Variants in LINGO2 observed in about 807,000 individuals in gnomAD.
The protein encoded by LINGO2 is leucine-rich repeat and immunoglobulin-like domain-containing nogo receptor-interacting protein 2.
LINGO2 carries 14 observed loss-of-function variants against 30.6 expected under a neutral mutation model. That is an observed-to-expected ratio of 0.46 (90% confidence interval 0.30 to 0.72). LINGO2 has a LOEUF of 0.72. Among genes scored for constraint, LINGO2 ranks in the 30% least tolerant of loss-of-function variants. The pLI, the probability that LINGO2 is intolerant of heterozygous loss-of-function variation, is 0.07. For missense variants in LINGO2, 729 were observed against 751.7 expected, an observed-to-expected ratio of 0.97 and a Z score of 0.35; for synonymous variants, 317 against 288.5, an observed-to-expected ratio of 1.10 and a Z score of -1.00.
At chr9:28,998,990 C>A in the LINGO2 span, among the ~76,000 whole-genome samples, 1 of 152,068 alleles carries the variant, frequency 6.6e-6, no homozygotes, top group East Asian at 1.9e-4. Flanking sequence ...AAATACTAGT[C>A]AAGCAAACCA....
chr9:29,206,816 T>A, the LINGO2 span, among the ~76,000 whole-genome samples: 2 of 152,138 alleles, frequency 1.3e-5, no homozygotes, highest in Non-Finnish European at 2.9e-5. Context: ...GAATATCAAA[T>A]AGAAAATTAG....
chr9:28,187,426 G>A (rs953163988), intron 4 of LINGO2, among the ~76,000 whole-genome samples: 1 of 151,704 alleles, frequency 6.6e-6, no homozygotes. Context: ...GGAGACGGAG[G>A]TTGCAGTGAG....
chr9:28,539,059 C>T (rs1008587695), intron 1 of LINGO2, among the ~76,000 whole-genome samples: 2 of 151,810 alleles, frequency 1.3e-5, no homozygotes, highest in African/African-American at 2.4e-5. Flanking sequence ...AACAAATAAA[C>T]TCGTAATATG....
At chr9:29,189,083 AC>A in the LINGO2 span, among the ~76,000 whole-genome samples, 1 of 62,570 alleles carries the variant, frequency 1.6e-5, no homozygotes, top group Non-Finnish European at 3.7e-5. Flanking sequence ...TCCATCCCGG[AC>A]GGGGCGGCTG....
the LINGO2 span, among the ~76,000 whole-genome samples, chr9:29,203,626 T>C: frequency 1.3e-5 from 2 of 152,202 alleles, no homozygotes; most frequent in South Asian, 2.1e-4. Context: ...GTTGAAGATG[T>C]TGAGATCACA....
At position 28,506,487 on chromosome 9, in the gene LINGO2, TACACACAC is replaced by T. The variant is rs374238897; in HGVS notation, c.-364-30470_-364-30463del. The stretch of plus-strand genomic sequence containing the variant: ...ATACACACACACACACACATACACA[TACACACAC>T]ACACACAGACATATATATATATATA... On this transcript the variant is annotated intron_variant, in intron 1 of 5. Coordinates refer to ENST00000379992, the Ensembl canonical transcript of LINGO2. Among the ~76,000 whole-genome samples the T allele has an allele frequency of 1.2e-4, 5 of 40,410 alleles. 1 individual carries two copies. The highest frequency in any genetic ancestry group is 3.4e-4 in the African/African-American group (5 of 14,796). The allele number at this position is 40,410 out of a possible 152,430, so 26.5% of individuals were successfully genotyped here. A position where few individuals can be genotyped will look rare whatever the true frequency, so the allele number is the denominator to read the frequency against.
intron 4 of LINGO2, among the ~76,000 whole-genome samples, chr9:28,026,581 A>G (rs1221237815): frequency 6.6e-6 from 1 of 152,238 alleles, no homozygotes; most frequent in African/African-American, 2.4e-5. Flanking sequence ...ACCCCAAGTT[A>G]TAAAGCTTGC....
chr9:28,577,330 T>C (rs1345980578), intron 1 of LINGO2, among the ~76,000 whole-genome samples: 7 of 152,150 alleles, frequency 4.6e-5, no homozygotes, highest in African/African-American at 1.4e-4. Flanking sequence ...TGAAACCAGA[T>C]GACTTCACTG....
chr9:29,140,196 A>C, the LINGO2 span, among the ~76,000 whole-genome samples: 2 of 152,018 alleles, frequency 1.3e-5, no homozygotes, highest in East Asian at 3.9e-4. Context: ...GGAAACATTA[A>C]CTAATGGGAC....
intron 4 of LINGO2, among the ~76,000 whole-genome samples, chr9:28,248,007 T>C (rs1364168296): frequency 6.6e-6 from 1 of 152,172 alleles, no homozygotes; most frequent in Non-Finnish European, 1.5e-5. Context: ...ACACTGTTGG[T>C]TGGAATGTAA....
the LINGO2 span, among the ~76,000 whole-genome samples, chr9:28,770,067 C>A: frequency 6.1e-3 from 926 of 152,146 alleles, 6 homozygotes; most frequent in African/African-American, 0.02. Context: ...AGTTTTTCCC[C>A]TTTGACTTCA....
the LINGO2 span, among the ~76,000 whole-genome samples, chr9:28,850,027 T>C: frequency 2.6e-5 from 4 of 152,068 alleles, no homozygotes; most frequent in African/African-American, 9.7e-5. Flanking sequence ...ACTGAGTGAA[T>C]GAAGTGCTTA....
chr9:28,366,087 C>T (rs115010286), intron 3 of LINGO2, among the ~76,000 whole-genome samples: 126 of 152,278 alleles, frequency 8.3e-4, no homozygotes, highest in African/African-American at 2.9e-3. Flanking sequence ...CTACTTTTCA[C>T]ATTTTCCTTA....
intron 4 of LINGO2, among the ~76,000 whole-genome samples, chr9:28,248,105 G>A (rs1822066909): frequency 6.6e-6 from 1 of 152,138 alleles, no homozygotes; most frequent in South Asian, 2.1e-4. Context: ...TCACTTTCGG[G>A]TATGTATCTA....
chr9:28,226,482 G>T (rs1821148373), intron 4 of LINGO2, among the ~76,000 whole-genome samples: 1 of 151,816 alleles, frequency 6.6e-6, no homozygotes, highest in South Asian at 2.1e-4. Flanking sequence ...ACCAGGTAGA[G>T]TCTTTCTTAA....
chr9:28,259,381 A>C (rs1822489836), intron 4 of LINGO2, among the ~76,000 whole-genome samples: 1 of 151,956 alleles, frequency 6.6e-6, no homozygotes, highest in African/African-American at 2.4e-5. Context: ...GTACTGGAAG[A>C]AGGGCATGGA....
intron 4 of LINGO2, among the ~76,000 whole-genome samples, chr9:28,127,168 A>G (rs1017660374): frequency 1.3e-5 from 2 of 152,188 alleles, no homozygotes; most frequent in Admixed American, 1.3e-4. Context: ...CCTTTCATCT[A>G]GAAGTAGAAA....
At chr9:29,180,325 T>C in the LINGO2 span, among the ~76,000 whole-genome samples, 1 of 152,226 alleles carries the variant, frequency 6.6e-6, no homozygotes, top group Non-Finnish European at 1.5e-5. Flanking sequence ...TATTAGATTT[T>C]AGACCCTTTA....
At chr9:27,946,617 GT>G (rs142850489), downstream of LINGO2, among the ~76,000 whole-genome samples, 1 of 152,014 alleles carries the variant, frequency 6.6e-6, no homozygotes, top group East Asian at 1.9e-4. Flanking sequence ...ACTTTTGGAA[GT>G]TTTTTTGAAA....
Sources: gnomAD v4.1 joint callset for allele counts (sites outside exome capture counted in the v4.1 genomes callset) on GRCh38, gnomAD v4.1.1 for gene constraint, MANE v1.5 for transcripts, NCBI Gene and HGNC (gene_info 2026-07-23, HGNC 2026-07-21) for gene names.